EXOC7: variants seen among roughly 807,000 people sequenced by gnomAD.
The protein encoded by EXOC7 is exocyst complex component Exo70.
Under a neutral mutation model 87.6 loss-of-function variants are expected in EXOC7, and 51 were observed. The ratio of observed to expected loss-of-function variants is 0.58; its 90% CI spans 0.46 to 0.73. The LOEUF (loss-of-function observed/expected upper bound fraction) is 0.73. EXOC7 is among the 30% of genes least tolerant of loss of function. EXOC7 has a pLI of 0.00. For missense variants in EXOC7, 744 were observed against 888.4 expected, an observed-to-expected ratio of 0.84 and a Z score of 2.07; for synonymous variants, 327 against 357.1, an observed-to-expected ratio of 0.92 and a Z score of 0.95.
intron 5 of EXOC7, among the ~76,000 whole-genome samples, chr17:76,096,907 T>C (rs1445347606): frequency 6.6e-6 from 1 of 152,090 alleles, no homozygotes; most frequent in African/African-American, 2.4e-5. Flanking sequence ...TGGAGTACAG[T>C]GGCGTGATCT....
At position 76,082,520 on chromosome 17, in the gene EXOC7, T is replaced by C; in HGVS notation, c.*1128A>G. 1 of 1,613,856 alleles carries C rather than the reference T, an allele frequency of 6.2e-7. No homozygotes were observed. The highest frequency in any genetic ancestry group is 1.3e-5 in the African/African-American group (1 of 75,052). On this transcript the variant is annotated 3_prime_UTR_variant, in exon 19 of 19. Transcript: ENST00000589210. ...AGCTGGCCTGAGACTGCTGACCGCA[T>C]CTTCTTCCTCGTGTATGTGGTTGGG...
rs2067093035 is a variant in EXOC7 at position 76,084,006 on chromosome 17, T to C, written c.1952A>G (p.Lys651Arg). ...VKETYGAFLQ[K>R]FGSVPFTKNP... ...GCTGGGAGGGGAATGGAGGCCTCAC[T>C]TCTGTAGAAAGGCCCCGTAGGTCTC... The change falls in exon 18 of 19, where the codon AAG becomes AGG. Residue 651 changes from lysine to arginine, a missense_variant and splice_region_variant. By Grantham distance (26) the Lys-to-Arg change is conservative (BLOSUM62 2). Around this residue, in one of 3 missense-constraint regions of EXOC7, gnomAD observed 228 missense variants for 298.6 expected, o/e 0.76. Transcript: ENST00000589210. 3 of 1,571,998 alleles carry C rather than the reference T, an allele frequency of 1.9e-6. No individual in the cohort carries two copies. The highest frequency in any genetic ancestry group is 1.9e-5 in the Admixed American group (1 of 51,944).
intron 10 of EXOC7, 160 bp downstream of exon 10, chr17:76,088,304 A>G: frequency 1.1e-6 from 1 of 911,064 alleles, no homozygotes. Flanking sequence ...TGGAGGCCCC[A>G]GGAAGGAAAG....
Position 76,103,350 on chromosome 17 carries a change from G to T in EXOC7, c.126+11C>A, listed in dbSNP as rs761061183. 6.3e-7 allele frequency: 1 copy of T among 1,590,298 alleles called. No homozygotes were observed. Among genetic ancestry groups the T allele is most frequent in the Admixed American group, 1.8e-5 (1 of 56,760 alleles). ...AGGCCTGCCCTCTCCCCCAGCTGCGGGGAGACTCACCATGTTCTTAGTGAG... is the reference window on the plus strand; with the variant it reads ...AGGCCTGCCCTCTCCCCCAGCTGCGTGGAGACTCACCATGTTCTTAGTGAG... On this transcript the variant is annotated intron_variant, in intron 2 of 18. Transcript: ENST00000589210.
At chr17:76,087,486 C>T in intron 12 of EXOC7, 168 bp downstream of exon 12, 1 of 646,276 alleles carries the variant, frequency 1.5e-6, no homozygotes, top group Non-Finnish European at 2.7e-6. Context: ...TTGAAAGGTG[C>T]AGGCAAACCT....
intron 7 of EXOC7, chr17:76,090,222 T>C (rs2067412296): frequency 7.8e-7 from 1 of 1,289,902 alleles, no homozygotes; most frequent in South Asian, 1.4e-5. Context: ...GCCTGGCCCA[T>C]CCTCAGAGCA....
In EXOC7 at chr17:76,085,712, G is replaced by C. The variant is rs765586850; in HGVS notation, c.1581C>G (p.His527Gln). ...ACTTGAGGATGTAATTGTAGTTGTT[G>C]TGCAGGAAGATGGCGCTCAGAGCTG... The part of the protein sequence containing the change: ...EDPALSAIFL[H>Q]NNYNYILKSL... The change falls in exon 14 of 19, where the codon CAC becomes CAG. Residue 527 changes from histidine to glutamine, a missense_variant. Around this residue, in one of 3 missense-constraint regions of EXOC7, gnomAD observed 228 missense variants for 298.6 expected, o/e 0.76. Coordinates refer to ENST00000589210, the MANE Select transcript of EXOC7 (RefSeq NM_001013839.4). The C allele has an allele frequency of 6.2e-7, 1 of 1,614,120 alleles. No individual in the cohort carries two copies. The highest frequency in any genetic ancestry group is 8.5e-7 in the Non-Finnish European group (1 of 1,180,026).
At chr17:76,088,225 C>T (rs754122740) in intron 10 of EXOC7, 103 bp from the exon 11 acceptor site, 6 of 1,251,220 alleles carry the variant, frequency 4.8e-6, no homozygotes, top group Non-Finnish European at 6.9e-6. Flanking sequence ...GGTGCTAGGA[C>T]ACCTCTCAGG....
At chr17:76,102,792 A>G (rs2068137269) in intron 2 of EXOC7, among the ~76,000 whole-genome samples, 1 of 152,182 alleles carries the variant, frequency 6.6e-6, no homozygotes, top group Admixed American at 6.6e-5. Flanking sequence ...ATGCAGTCGC[A>G]TGCATTAGCG....
intron 15 of EXOC7, chr17:76,084,983 G>C (rs1288393169): frequency 2.2e-6 from 1 of 460,164 alleles, no homozygotes; most frequent in Non-Finnish European, 3.9e-6. Context: ...ACAGAGCAAG[G>C]CTCAGCCACG....
intron 3 of EXOC7, 130 bp from the exon 4 acceptor site, chr17:76,101,506 T>G: frequency 2.8e-6 from 4 of 1,412,138 alleles, no homozygotes; most frequent in Non-Finnish European, 3.8e-6. Flanking sequence ...CCCCACTGCC[T>G]TTTAAGGCCT....
At position 76,084,525 on chromosome 17, in the gene EXOC7, C is replaced by T; in HGVS notation, c.1768G>A (p.Gly590Arg). The change falls in exon 16 of 19, where the codon GGA (glycine) becomes AGA (arginine). Residue 590 changes from glycine (G) to arginine (R), a missense_variant. Gly to Arg is a moderately radical substitution (Grantham distance 125). Transcript: ENST00000589210. ...AEKNLPVFQP[G>R]VKLRDKERQI... ...CCAGGTCTTGAGCCCACCTTGACTC[C>T]CGGCTGGAACACAGGTAGATTCTTC... 1.2e-6 allele frequency: 2 copies of T among 1,613,922 alleles called. No individual in the cohort carries two copies. The highest frequency in any genetic ancestry group is 4.5e-5 in the East Asian group (2 of 44,890).
rs748167217 is a variant in EXOC7, at chr17:76,083,636, C to A, written c.*12G>T. 3 of 1,613,234 alleles carry A rather than the reference C, an allele frequency of 1.9e-6. No homozygotes were observed. The highest frequency in any genetic ancestry group is 1.6e-4 in the Middle Eastern group (1 of 6,080). On this transcript the variant is annotated 3_prime_UTR_variant, in exon 19 of 19. Transcript: ENST00000589210. Reference sequence around the variant, plus strand: ...GCCAGTCTGGTGGAACCAGGCAGGGCTAGCAGCAGGCTCAGGCAGAGGTGT... The same window carrying A: ...GCCAGTCTGGTGGAACCAGGCAGGGATAGCAGCAGGCTCAGGCAGAGGTGT...
intron 7 of EXOC7, chr17:76,090,874 G>C: frequency 1.8e-6 from 1 of 548,246 alleles, no homozygotes; most frequent in South Asian, 2.3e-5. Context: ...CTTTTTCTGA[G>C]TTCACACAGG....
chr17:76,097,409 A>G (rs1298805342), intron 5 of EXOC7, among the ~76,000 whole-genome samples: 1 of 152,112 alleles, frequency 6.6e-6, no homozygotes. Context: ...CAGGTGGATT[A>G]AAGAATAAAG....
At chr17:76,085,229 G>A (rs1311472227) in intron 15 of EXOC7, 85 bp downstream of exon 15, 4 of 1,135,924 alleles carry the variant, frequency 3.5e-6, no homozygotes, top group African/African-American at 3.1e-5. Context: ...CCCCGTGACC[G>A]ACTCTGTGTC....
chr17:76,101,574 A>G (rs888790477), intron 3 of EXOC7, 105 bp downstream of exon 3: 72 of 1,428,370 alleles, frequency 5.0e-5, no homozygotes, highest in Non-Finnish European at 3.8e-5. Context: ...CCTAGTCTCA[A>G]GCGATCCTCC....
intron 4 of EXOC7, 130 bp downstream of exon 4, chr17:76,101,141 A>G: frequency 7.2e-7 from 1 of 1,380,730 alleles, no homozygotes; most frequent in Non-Finnish European, 9.5e-7. Flanking sequence ...TAATGCCTAT[A>G]GGATGTACTG....
At chr17:76,090,943 T>C (rs995957644) in intron 7 of EXOC7, 200 bp downstream of exon 7, 2 of 611,238 alleles carry the variant, frequency 3.3e-6, no homozygotes, top group African/African-American at 3.7e-5. Context: ...AGAGCTGCCA[T>C]CAGCCAGAGA....
Sources: allele counts gnomAD v4.1 joint callset (sites outside exome capture counted in the v4.1 genomes callset), GRCh38; gene constraint gnomAD v4.1.1; regional missense constraint gnomAD v4.1.1; transcripts MANE v1.5; gene names NCBI Gene and HGNC (gene_info 2026-07-23, HGNC 2026-07-21).